HS3ST5: variants seen among roughly 807,000 people sequenced by gnomAD.
HS3ST5 encodes heparan sulfate-glucosamine 3-sulfotransferase 5, also known as heparan sulfate glucosamine 3-O-sulfotransferase 5.
HS3ST5 carries 10 observed loss-of-function variants against 25.4 expected under a neutral mutation model. The ratio of observed to expected loss-of-function variants is 0.39; its 90% CI spans 0.24 to 0.67. The LOEUF is 0.67. Ranked by LOEUF, HS3ST5 falls within the 30% of genes least tolerant of loss-of-function variation. The pLI is 0.44. For synonymous variants in HS3ST5, 170 were observed against 162.4 expected, an observed-to-expected ratio of 1.05 and a Z score of -0.36; for missense variants, 324 against 420.7, an observed-to-expected ratio of 0.77 and a Z score of 2.01.
chr6:114,118,109 AAGG>A (rs1484373367), intron 3 of HS3ST5, among the ~76,000 whole-genome samples: 1 of 152,182 alleles, frequency 6.6e-6, no homozygotes, highest in Non-Finnish European at 1.5e-5. Flanking sequence ...TTTGCATAGC[AAGG>A]AGAACTCCTT....
At chr6:114,319,481 T>A (rs749254495) in intron 1 of HS3ST5, among the ~76,000 whole-genome samples, 1 of 152,172 alleles carries the variant, frequency 6.6e-6, no homozygotes, top group Non-Finnish European at 1.5e-5. Flanking sequence ...ATTTTGGAAG[T>A]CTTTGTTAAG....
intron 4 of HS3ST5, chr6:114,059,937 C>A (rs1773001335): frequency 6.6e-6 from 1 of 152,208 alleles, no homozygotes; most frequent in Admixed American, 6.5e-5. Flanking sequence ...ATGTATACTA[C>A]TTTTCACGAT....
intron 3 of HS3ST5, among the ~76,000 whole-genome samples, chr6:114,129,243 A>T (rs1405996762): frequency 6.8e-6 from 1 of 146,288 alleles, no homozygotes; most frequent in Non-Finnish European, 1.5e-5. Flanking sequence ...CACACCTGCA[A>T]CAAGAACCTT....
At chr6:114,181,896 G>T (rs1392698665) in intron 2 of HS3ST5, among the ~76,000 whole-genome samples, 1 of 151,916 alleles carries the variant, frequency 6.6e-6, no homozygotes, top group East Asian at 1.9e-4. Context: ...GTGTGTGTGT[G>T]TGTGTGTGTA....
chr6:114,067,655 T>C (rs1419455562), intron 3 of HS3ST5, among the ~76,000 whole-genome samples: 1 of 152,192 alleles, frequency 6.6e-6, no homozygotes, highest in Non-Finnish European at 1.5e-5. Flanking sequence ...GAGACCTGAT[T>C]TCTCCAGCAT....
intron 1 of HS3ST5, among the ~76,000 whole-genome samples, chr6:114,249,849 A>G (rs945933003): frequency 6.6e-6 from 1 of 152,156 alleles, no homozygotes; most frequent in Non-Finnish European, 1.5e-5. Context: ...AATTCCAGAC[A>G]CACAAATTTC....
intron 1 of HS3ST5, among the ~76,000 whole-genome samples, chr6:114,318,392 C>G (rs997284164): frequency 6.6e-6 from 1 of 151,874 alleles, no homozygotes; most frequent in Non-Finnish European, 1.5e-5. Context: ...CTATTTTTTT[C>G]TCCTCCTCTC....
intron 3 of HS3ST5, among the ~76,000 whole-genome samples, chr6:114,159,351 A>G (rs746720228): frequency 5.9e-5 from 9 of 152,200 alleles, no homozygotes; most frequent in Non-Finnish European, 8.8e-5. Flanking sequence ...GTGATCATCA[A>G]TAGTAGGCTG....
chr6:114,088,643 C>T (rs940354572), intron 3 of HS3ST5, among the ~76,000 whole-genome samples: 1 of 152,062 alleles, frequency 6.6e-6, no homozygotes, highest in Non-Finnish European at 1.5e-5. Context: ...ACAGTGACTT[C>T]CCTCAATAAC....
chr6:114,152,679 C>A (rs1778514194), intron 3 of HS3ST5, among the ~76,000 whole-genome samples: 1 of 152,076 alleles, frequency 6.6e-6, no homozygotes, highest in African/African-American at 2.4e-5. Flanking sequence ...GTTAGAGGGG[C>A]CAGCGCTGGC....
At chr6:114,236,362 T>C (rs1771854649) in intron 1 of HS3ST5, among the ~76,000 whole-genome samples, 1 of 152,202 alleles carries the variant, frequency 6.6e-6, no homozygotes, top group African/African-American at 2.4e-5. Flanking sequence ...TGAATAATTG[T>C]AATAGGCTGA....
chr6:114,254,010 G>C (rs1042125316), intron 1 of HS3ST5, among the ~76,000 whole-genome samples: 5 of 152,074 alleles, frequency 3.3e-5, no homozygotes, highest in Non-Finnish European at 5.9e-5. Context: ...AGGCAGGAAG[G>C]GCAGTCCTCC....
At chr6:114,149,645 T>A (rs552987254) in intron 3 of HS3ST5, among the ~76,000 whole-genome samples, 7 of 152,140 alleles carry the variant, frequency 4.6e-5, no homozygotes, top group Non-Finnish European at 1.0e-4. Context: ...GGCTTAAAAC[T>A]TAGATGGTGG....
intron 1 of HS3ST5, among the ~76,000 whole-genome samples, chr6:114,279,210 GA>G (rs1373709240): frequency 6.6e-6 from 1 of 151,938 alleles, no homozygotes; most frequent in Non-Finnish European, 1.5e-5. Context: ...TATCAGCATT[GA>G]ATTGAAAGCA....
At chr6:114,127,558 A>G (rs1777102772) in intron 3 of HS3ST5, among the ~76,000 whole-genome samples, 1 of 152,170 alleles carries the variant, frequency 6.6e-6, no homozygotes, top group South Asian at 2.1e-4. Context: ...GCATTTCAGC[A>G]TTCATATGGC....
chr6:114,199,964 A>G (rs774434013), intron 2 of HS3ST5, among the ~76,000 whole-genome samples: 5 of 152,184 alleles, frequency 3.3e-5, no homozygotes, highest in Admixed American at 6.5e-5. Flanking sequence ...CTGTGTTCCC[A>G]GCACTTTGGG....
At chr6:114,275,292 TAA>T (rs1233933655) in intron 1 of HS3ST5, among the ~76,000 whole-genome samples, 1 of 152,076 alleles carries the variant, frequency 6.6e-6, no homozygotes, top group Non-Finnish European at 1.5e-5. Flanking sequence ...ATATGTTTAT[TAA>T]GTCAATAAAC....
At position 114,140,682 on chromosome 6, in the gene HS3ST5, G is replaced by A. The variant is rs181481897; in HGVS notation, c.-33+27669C>T. 4.2e-3 allele frequency among the ~76,000 whole-genome samples: 645 copies of A among 152,270 alleles called. 3 individuals carry two copies. The highest frequency in any genetic ancestry group is 7.0e-3 in the Non-Finnish European group (474 of 68,014). ...GCTCCAACGGTACACAGAAGAGCACGCTGGGCAGAGGAGCACGAGGAATGC... is the reference window on the plus strand; with the variant it reads ...GCTCCAACGGTACACAGAAGAGCACACTGGGCAGAGGAGCACGAGGAATGC... On this transcript the variant is annotated intron_variant, in intron 3 of 4. Coordinates refer to ENST00000312719, the MANE Select transcript of HS3ST5 (RefSeq NM_153612.4).
chr6:114,144,739 T>G (rs1479705110), intron 3 of HS3ST5, among the ~76,000 whole-genome samples: 1 of 152,226 alleles, frequency 6.6e-6, no homozygotes, highest in East Asian at 1.9e-4. Context: ...TGACACTTAC[T>G]AGCTAGGTCA....
Sources: allele counts gnomAD v4.1 joint callset (sites outside exome capture counted in the v4.1 genomes callset), GRCh38; gene constraint gnomAD v4.1.1; transcripts MANE v1.5; gene names NCBI Gene and HGNC (gene_info 2026-07-23, HGNC 2026-07-21).